MYT1L: variants seen among roughly 807,000 people sequenced by gnomAD.
The protein encoded by MYT1L is myelin transcription factor 1 like.
In MYT1L, 12 loss-of-function variants were observed where a neutral mutation model predicts 126.7. The ratio of observed to expected loss-of-function variants is 0.09; its 90% CI spans 0.06 to 0.15. The LOEUF (loss-of-function observed/expected upper bound fraction) is 0.15, where lower values mean the gene tolerates loss of function less well. MYT1L is among the 10% of genes least tolerant of loss of function. The pLI is 1.00. For synonymous variants in MYT1L, 541 were observed against 604.2 expected (o/e 0.90, Z 1.53); for missense variants, 979 against 1,585.2 (o/e 0.62, Z 6.49).
At chr2:1,813,183 G>T (rs2036970793) in intron 21 of MYT1L, among the ~76,000 whole-genome samples, 1 of 152,214 alleles carries the variant, frequency 6.6e-6, no homozygotes, top group Non-Finnish European at 1.5e-5. Flanking sequence ...GCAGGTGGGG[G>T]GGAGAGAGGG....
At chr2:1,937,439 C>T (rs1012785642) in intron 9 of MYT1L, among the ~76,000 whole-genome samples, 7 of 150,794 alleles carry the variant, frequency 4.6e-5, no homozygotes, top group East Asian at 2.0e-4. Flanking sequence ...GATCGTACAT[C>T]GAGAAGGCCC....
At position 1,952,788 on chromosome 2, in the gene MYT1L, CT is replaced by C. The variant is rs1289803191; in HGVS notation, c.153-9455del. ...TTCCCTCCCTTCCCTCCTTTCCTCC[CT>C]TCCCTCCTTCTCTCCCTCCCTCCCT... On this transcript the variant is annotated intron_variant, in intron 8 of 24. Coordinates refer to ENST00000647738, the MANE Select transcript of MYT1L (RefSeq NM_001303052.2). Among the ~76,000 whole-genome samples the C allele has an allele frequency of 2.3e-4, 16 of 70,364 alleles. 1 individual carries two copies. Among genetic ancestry groups the C allele is most frequent in the Non-Finnish European group, 3.2e-4 (12 of 36,928 alleles). The allele number at this position is 70,364 out of a possible 152,430, so 46.2% of individuals were successfully genotyped here.
chr2:1,914,440 A>G (rs1484510873), intron 11 of MYT1L, among the ~76,000 whole-genome samples: 1 of 151,966 alleles, frequency 6.6e-6, no homozygotes, highest in Non-Finnish European at 1.5e-5. Flanking sequence ...CTTCCCATGT[A>G]TGGACCCTCC....
At chr2:2,297,888 G>T (rs2095718947) in intron 1 of MYT1L, among the ~76,000 whole-genome samples, 1 of 152,226 alleles carries the variant, frequency 6.6e-6, no homozygotes, top group Admixed American at 6.5e-5. Flanking sequence ...TATTGAGGAT[G>T]CCTGAGCCCT....
At chr2:2,254,074 C>T (rs938205067) in intron 2 of MYT1L, among the ~76,000 whole-genome samples, 7 of 152,240 alleles carry the variant, frequency 4.6e-5, no homozygotes, top group Middle Eastern at 6.8e-3. Flanking sequence ...TGTTGTGCAC[C>T]GTGGCCGTGG....
intron 2 of MYT1L, among the ~76,000 whole-genome samples, chr2:2,276,614 T>C (rs1408011096): frequency 1.3e-5 from 2 of 152,172 alleles, no homozygotes; most frequent in African/African-American, 2.4e-5. Flanking sequence ...TAAGGCTGGT[T>C]GTCACATGCA....
intron 21 of MYT1L, chr2:1,828,623 T>C (rs2039694160): frequency 6.6e-6 from 1 of 152,248 alleles, no homozygotes; most frequent in Non-Finnish European, 1.5e-5. Context: ...CGTCAGCCTA[T>C]TCTCGCTAAT....
At chr2:2,323,511 C>A (rs923383119) in intron 1 of MYT1L, among the ~76,000 whole-genome samples, 2 of 152,096 alleles carry the variant, frequency 1.3e-5, no homozygotes, top group African/African-American at 4.8e-5. Context: ...CAGGATAGAA[C>A]TATTTATCAG....
intron 1 of MYT1L, chr2:2,319,388 GCAAAGGC>G (rs1483238319): frequency 4.9e-4 from 75 of 152,308 alleles, no homozygotes; most frequent in African/African-American, 1.8e-3. Flanking sequence ...TCTCAGGTAA[GCAAAGGC>G]TTGCTGCGTT....
intron 2 of MYT1L, among the ~76,000 whole-genome samples, chr2:2,187,955 T>C (rs2092328509): frequency 6.6e-6 from 1 of 151,848 alleles, no homozygotes; most frequent in Admixed American, 6.5e-5. Context: ...ATTTATATTC[T>C]CTTATATTAA....
intron 4 of MYT1L, among the ~76,000 whole-genome samples, chr2:2,019,498 G>A (rs2064809302): frequency 6.6e-6 from 1 of 152,162 alleles, no homozygotes; most frequent in Non-Finnish European, 1.5e-5. Context: ...GAACAGATTT[G>A]GTATCCAAGC....
intron 18 of MYT1L, among the ~76,000 whole-genome samples, chr2:1,871,514 G>A (rs1307956394): frequency 6.6e-6 from 1 of 152,244 alleles, no homozygotes; most frequent in Admixed American, 6.5e-5. Context: ...GGAGGGCAGA[G>A]GGTATTGTTG....
chr2:1,942,950 A>G lies in MYT1L; in HGVS notation c.505+32T>C, dbSNP rs1573816534. 4 of 1,499,040 alleles carry G rather than the reference A, an allele frequency of 2.7e-6. No homozygotes were observed. The East Asian group carries it at 9.9e-5, about 37-fold the overall frequency. The allele number at this position is 1,499,040 out of a possible 1,614,324, so 92.9% of individuals were successfully genotyped here. On this transcript the variant is annotated intron_variant, in intron 9 of 24. Transcript: ENST00000647738. ...CCTTGAACAGTGGACCCAAATCACG[A>G]CTTGTTACTTTGCTAATATTTTAAA...
At chr2:2,283,717 C>G (rs1334525672) in intron 2 of MYT1L, among the ~76,000 whole-genome samples, 1 of 152,168 alleles carries the variant, frequency 6.6e-6, no homozygotes, top group Non-Finnish European at 1.5e-5. Flanking sequence ...TTTCATGCAG[C>G]TGAAAATTTA....
intron 21 of MYT1L, among the ~76,000 whole-genome samples, chr2:1,820,941 G>A (rs2038433551): frequency 2.0e-5 from 3 of 147,660 alleles, no homozygotes; most frequent in Admixed American, 6.7e-5. Flanking sequence ...AGGTTTCCCC[G>A]AGGAAGAAGA....
At chr2:1,829,123 C>T (rs1248965427) in intron 21 of MYT1L, among the ~76,000 whole-genome samples, 1 of 152,112 alleles carries the variant, frequency 6.6e-6, no homozygotes, top group African/African-American at 2.4e-5. Flanking sequence ...GTGAGGATCT[C>T]CCATGAAGAT....
chr2:1,970,648 G>A (rs1487971299), intron 8 of MYT1L, among the ~76,000 whole-genome samples: 2 of 152,124 alleles, frequency 1.3e-5, no homozygotes, highest in African/African-American at 4.8e-5. Context: ...TGCACAGCTG[G>A]GCCACTGTCA....
In MYT1L at chr2:1,822,679, G is replaced by A. The variant is rs978678849; in HGVS notation, c.3081-13512C>T. 5.9e-5 allele frequency among the ~76,000 whole-genome samples: 9 copies of A among 152,186 alleles called. 1 individual carries two copies. The highest frequency in any genetic ancestry group is 9.6e-5 in the African/African-American group (4 of 41,456). On this transcript the variant is annotated intron_variant, in intron 21 of 24. Transcript: ENST00000647738. ...GCAAACTCACCCTGAGGTGGTCTCC[G>A]AGTGTCAGGGGCTGAGGTGCAGGAC...
intron 5 of MYT1L, among the ~76,000 whole-genome samples, chr2:1,985,469 T>C (rs2060941560): frequency 6.6e-6 from 1 of 152,194 alleles, no homozygotes; most frequent in Admixed American, 6.5e-5. Context: ...AAACCCTACG[T>C]CATAGAAAAT....
Sources: allele counts gnomAD v4.1 joint callset (sites outside exome capture counted in the v4.1 genomes callset), GRCh38; gene constraint gnomAD v4.1.1; transcripts MANE v1.5; gene names NCBI Gene and HGNC (gene_info 2026-07-23, HGNC 2026-07-21).